Variants in NDUFA10 observed in about 807,000 individuals in gnomAD.
NDUFA10 encodes the protein NADH:ubiquinone oxidoreductase subunit A10.
In NDUFA10, 40 loss-of-function variants were observed where a neutral mutation model predicts 47.8. The ratio of observed to expected loss-of-function variants is 0.84; its 90% CI spans 0.65 to 1.09. NDUFA10 has a LOEUF of 1.09. NDUFA10 is among the 50% of genes least tolerant of loss of function. The pLI, the probability that NDUFA10 is intolerant of heterozygous loss-of-function variation, is 0.00. For synonymous variants in NDUFA10, 183 were observed against 172.2 expected (o/e 1.06, Z -0.49); for missense variants, 413 against 451.1 (o/e 0.92, Z 0.76).
chr2:239,895,185 C>A, intron 5 of NDUFA10: 1 of 438,006 alleles, frequency 2.3e-6, no homozygotes. Context: ...CCTGCCAGGC[C>A]TCTGCCCCAA....
intron 9 of NDUFA10, chr2:239,973,733 G>A (rs1695396378): frequency 5.0e-6 from 2 of 402,788 alleles, no homozygotes. Flanking sequence ...AAAGTGACCT[G>A]ATACAATGTT....
At chr2:239,910,054 A>C (rs963988195) in intron 4 of NDUFA10, among the ~76,000 whole-genome samples, 1 of 152,232 alleles carries the variant, frequency 6.6e-6, no homozygotes, top group African/African-American at 2.4e-5. Context: ...ATTAGTAAAA[A>C]GTCAAAAGAC....
At chr2:239,988,758 G>A (rs575134816) in intron 9 of NDUFA10, among the ~76,000 whole-genome samples, 20 of 152,352 alleles carry the variant, frequency 1.3e-4, no homozygotes, top group East Asian at 3.9e-4. Flanking sequence ...CAGCTACAGC[G>A]TTGATGCCAG....
intron 4 of NDUFA10, among the ~76,000 whole-genome samples, chr2:239,935,923 G>A (rs565195148): frequency 2.6e-5 from 4 of 152,184 alleles, no homozygotes; most frequent in Non-Finnish European, 2.9e-5. Context: ...TTTATTGGCA[G>A]CGTGAAAACA....
At position 239,958,253 on chromosome 2, in the gene NDUFA10, G is replaced by A. The variant is rs1199370075; in HGVS notation, c.*2865C>T. On this transcript the variant is annotated 3_prime_UTR_variant, in exon 10 of 10. Transcript: ENST00000252711. ...CAGATTTATATCCAGTGTGAGCACG[G>A]ACTATGCTTCTTCCCAGAAAGTAGC... 6.6e-6 allele frequency: 1 copy of A among 152,192 alleles called. No individual in the cohort carries two copies. Among genetic ancestry groups the A allele is most frequent in the African/African-American group, 2.4e-5 (1 of 41,448 alleles). 9.4% of individuals were successfully genotyped at this position (152,192 alleles called of 1,614,324 possible). A position where few individuals can be genotyped will look rare whatever the true frequency, so the allele number is the denominator to read the frequency against.
chr2:239,980,989 T>G (rs565929446), intron 9 of NDUFA10, among the ~76,000 whole-genome samples: 3 of 152,176 alleles, frequency 2.0e-5, no homozygotes, highest in Admixed American at 6.5e-5. Context: ...GGGTTGAAAT[T>G]TGCATTACCT....
intron 4 of NDUFA10, among the ~76,000 whole-genome samples, chr2:239,920,738 G>A (rs937674142): frequency 3.3e-5 from 5 of 152,166 alleles, no homozygotes; most frequent in African/African-American, 1.2e-4. Flanking sequence ...GGCGATGGAG[G>A]CGCTGTGGTT....
chr2:239,934,131 G>T (rs1462941930), intron 4 of NDUFA10, among the ~76,000 whole-genome samples: 3 of 152,110 alleles, frequency 2.0e-5, no homozygotes, highest in Non-Finnish European at 4.4e-5. Context: ...CTCCTGCCTT[G>T]GCCTCCCAAA....
In NDUFA10 at chr2:239,994,307, T is replaced by C. The variant is rs939402843; in HGVS notation, c.891-4125A>G. On this transcript the variant is annotated intron_variant, in intron 8 of 9. Coordinates refer to ENST00000252711, the MANE Select transcript of NDUFA10 (RefSeq NM_004544.4). The stretch of plus-strand genomic sequence containing the variant: ...TTATAGCCGATTCCCCTGCTCGCAT[T>C]ACTGCCTGAGCTCCACCTGCTGTCA... Among the ~76,000 whole-genome samples, 12 of 152,084 alleles carry C rather than the reference T, an allele frequency of 7.9e-5. 1 individual carries two copies. The highest frequency in any genetic ancestry group is 2.9e-4 in the African/African-American group (12 of 41,388).
chr2:239,982,124 G>A lies in NDUFA10; in HGVS notation c.999+7950C>T, dbSNP rs372309711. On this transcript the variant is annotated intron_variant, in intron 9 of 9. Transcript: ENST00000252711. ...GACCTGACACGTGTACCTGAAGACC[G>A]ATGAGAAGGTCTTCCCACCTCCAAA... is the stretch of plus-strand genomic sequence containing the variant. 94 of 1,612,736 alleles carry A rather than the reference G, an allele frequency of 5.8e-5. 1 individual carries two copies. The highest frequency in any genetic ancestry group is 5.6e-4 in the African/African-American group (42 of 75,042).
intron 5 of NDUFA10, chr2:240,012,104 A>C: frequency 2.4e-5 from 6 of 250,686 alleles, no homozygotes; most frequent in South Asian, 1.4e-4. Context: ...TTGTCACCTG[A>C]CTCTCCCTGC....
intron 4 of NDUFA10, among the ~76,000 whole-genome samples, chr2:239,925,448 T>C (rs557617668): frequency 6.6e-6 from 1 of 152,296 alleles, no homozygotes; most frequent in African/African-American, 2.4e-5. Context: ...TACAAATAAA[T>C]GGTGCTGAAG....
At chr2:239,922,954 T>A (rs1694013039) in intron 4 of NDUFA10, among the ~76,000 whole-genome samples, 1 of 152,218 alleles carries the variant, frequency 6.6e-6, no homozygotes. Context: ...CATCAAAGTC[T>A]GGTAAATTAG....
intron 8 of NDUFA10, among the ~76,000 whole-genome samples, chr2:239,996,842 G>C (rs1157595109): frequency 1.3e-5 from 2 of 151,072 alleles, no homozygotes; most frequent in African/African-American, 2.4e-5. Context: ...GCTATCGTCA[G>C]TGTTATTTTA....
Position 239,961,099 on chromosome 2 carries a change from G to GGCCATCACTGTGATGCAGCTA in NDUFA10, c.*18_*19insTAGCTGCATCACAGTGATGGC. ...GCTTGGCCATCACTGTGATGCAGCT[G>GGCCATCACTGTGATGCAGCTA]GAGCAGAAGGCGGCCCGTTCACTTC... On this transcript the variant is annotated 3_prime_UTR_variant, in exon 10 of 10. Transcript: ENST00000252711. 1 of 1,614,058 alleles carries GGCCATCACTGTGATGCAGCTA rather than the reference G, an allele frequency of 6.2e-7. No homozygotes were observed. Among genetic ancestry groups the GGCCATCACTGTGATGCAGCTA allele is most frequent in the East Asian group, 2.2e-5 (1 of 44,884 alleles).
At chr2:240,015,636 C>T (rs373456153) in intron 4 of NDUFA10, among the ~76,000 whole-genome samples, 9 of 152,202 alleles carry the variant, frequency 5.9e-5, no homozygotes, top group African/African-American at 2.2e-4. Context: ...AGGGGGCACC[C>T]GCAGGGCCCG....
At position 240,003,076 on chromosome 2, in the gene NDUFA10, C is replaced by T. The variant is rs376121937; in HGVS notation, c.890+2134G>A. Among the ~76,000 whole-genome samples the T allele has an allele frequency of 8.2e-4, 125 of 152,248 alleles. 2 individuals carry two copies. The South Asian group carries it at 0.014, about 17-fold the overall frequency. ...TATTGCCCAGGCTGGTCTCGAACTC[C>T]GGGGCTCCAGCAATCCTCCCACTTG... On this transcript the variant is annotated intron_variant, in intron 8 of 9. Coordinates refer to ENST00000252711, the MANE Select transcript of NDUFA10 (RefSeq NM_004544.4).
chr2:239,982,356 T>A, intron 9 of NDUFA10: 2 of 1,244,756 alleles, frequency 1.6e-6, no homozygotes, highest in Non-Finnish European at 1.1e-6. Flanking sequence ...TTGTCTTGAT[T>A]GTATTTACTG....
intron 9 of NDUFA10, among the ~76,000 whole-genome samples, chr2:239,964,068 C>T (rs1694962810): frequency 6.6e-6 from 1 of 152,200 alleles, no homozygotes. Context: ...ATGTCTATGC[C>T]TGCACGCCCA....
Sources: gnomAD v4.1 joint callset for allele counts (sites outside exome capture counted in the v4.1 genomes callset) on GRCh38, gnomAD v4.1.1 for gene constraint, MANE v1.5 for transcripts, NCBI Gene and HGNC (gene_info 2026-07-23, HGNC 2026-07-21) for gene names.